Variants in ATP2B3 observed in about 807,000 individuals in gnomAD.
ATP2B3 encodes ATPase plasma membrane Ca2+ transporting 3, also known as plasma membrane calcium-transporting ATPase 3.
In ATP2B3, 12 loss-of-function variants were observed where a neutral mutation model predicts 70.8. The ratio of observed to expected loss-of-function variants is 0.17; its 90% CI spans 0.11 to 0.27. The LOEUF is 0.27. Among genes scored for constraint, ATP2B3 ranks in the 10% least tolerant of loss-of-function variants. The pLI is 1.00. For synonymous variants in ATP2B3, 460 were observed against 497.8 expected (o/e 0.92, Z 1.01); for missense variants, 858 against 1,118.5 (o/e 0.77, Z 3.32).
rs369844415 is a variant in ATP2B3 at position 153,542,079 on chromosome X, G to A, written c.664+153G>A. Among the ~76,000 whole-genome samples the A allele has an allele frequency of 2.3e-4, 17 of 74,695 alleles. 2 individuals carry two copies. In the East Asian group the frequency reaches 7.3e-3, roughly 32 times the overall value. The allele number at this position is 74,695 out of a possible 115,157, so 64.9% of individuals were successfully genotyped here. On this transcript the variant is annotated intron_variant, in intron 5 of 21. Transcript: ENST00000263519. ...GGCGGGAGGTGGCGGGGGTGGGGGA[G>A]GTGGGGGAACACGGGGCAGGGCAGA...
chrX:153,579,880 C>G, intron 21 of ATP2B3, 98 bp from the exon 22 acceptor site: 1 of 798,647 alleles, frequency 1.3e-6, no homozygotes, highest in Non-Finnish European at 1.8e-6. Flanking sequence ...TGTCTCCTTC[C>G]TTCCTTCCTA....
At chrX:153,554,366 G>A (rs781862022) in intron 13 of ATP2B3, among the ~76,000 whole-genome samples, 1 of 113,405 alleles carries the variant, frequency 8.8e-6, no homozygotes, top group Admixed American at 9.2e-5. Context: ...GAGCCATCGA[G>A]TCCCTCTGTT....
At chrX:153,553,913 C>T (rs1406748306) in intron 13 of ATP2B3, among the ~76,000 whole-genome samples, 1 of 113,317 alleles carries the variant, frequency 8.8e-6, no homozygotes, top group Non-Finnish European at 1.9e-5. Context: ...CTCCCCAGGG[C>T]CTCTGCATGG....
intron 15 of ATP2B3, 31 bp from the exon 16 acceptor site, chrX:153,556,886 C>T (rs2090545965): frequency 1.7e-6 from 2 of 1,159,426 alleles, no homozygotes; most frequent in Non-Finnish European, 2.3e-6. Flanking sequence ...CAGATGGCCC[C>T]AGCCCTGCCC....
At chrX:153,567,562 T>C (rs781986074) in intron 21 of ATP2B3, among the ~76,000 whole-genome samples, 1 of 112,942 alleles carries the variant, frequency 8.9e-6, no homozygotes, top group African/African-American at 3.2e-5. Context: ...TGCCCTGACC[T>C]GAAGCATCAG....
At chrX:153,530,267 GC>G (rs1311797854) in intron 2 of ATP2B3, among the ~76,000 whole-genome samples, 3 of 112,421 alleles carry the variant, frequency 2.7e-5, no homozygotes, top group African/African-American at 9.7e-5. Context: ...GTGCTTTATA[GC>G]GTTCTGGTCC....
chrX:153,545,500 G>A (rs142241255), intron 7 of ATP2B3, among the ~76,000 whole-genome samples: 165 of 112,880 alleles, frequency 1.5e-3, no homozygotes, highest in African/African-American at 4.9e-3. Context: ...GCGAAACCCC[G>A]TCTCTATTAA....
intron 13 of ATP2B3, 138 bp from the exon 14 acceptor site, chrX:153,555,911 G>A: frequency 1.5e-6 from 1 of 669,957 alleles, no homozygotes; most frequent in Non-Finnish European, 2.3e-6. Context: ...AGTGTTCTGA[G>A]CACGTGAATC....
Position 153,556,344 on chromosome X carries a change from G to T in ATP2B3, c.2252G>T (p.Arg751Leu). 8.3e-7 allele frequency: 1 copy of T among 1,206,711 alleles called. No individual in the cohort carries two copies. Among genetic ancestry groups the T allele is most frequent in the East Asian group, 3.0e-5 (1 of 33,645 alleles). Residue 751 changes from arginine to leucine, a missense_variant, in exon 15 of 22, where the codon CGG (arginine) becomes CTG (leucine). Physicochemically the swap from Arg to Leu is moderately radical, Grantham distance 102 (BLOSUM62 -2). Transcript: ENST00000263519. The part of the protein sequence containing the change: ...RNEKGEIEQE[R>L]LDKVWPKLRV... The stretch of plus-strand genomic sequence containing the variant: ...TCCCCTCCCCAGATAGAACAGGAGC[G>T]GCTGGACAAGGTGTGGCCCAAGCTG...
At position 153,541,364 on chromosome X, in the gene ATP2B3, G is replaced by A. The variant is rs149114271; in HGVS notation, c.214G>A (p.Ala72Thr). The A allele has an allele frequency of 4.4e-4, 530 of 1,210,608 alleles. No homozygotes were observed. Among genetic ancestry groups the A allele is most frequent in the Middle Eastern group, 2.3e-3 (10 of 4,355 alleles). Residue 72 changes from alanine to threonine, a missense_variant, in exon 4 of 22, where the codon GCG (alanine) becomes ACG (threonine). Ala to Thr is a moderately conservative substitution (Grantham distance 58). This residue lies in a region of ATP2B3 where 278 missense variants were observed against 366.2 expected (regional missense o/e 0.76). Coordinates refer to ENST00000263519, the MANE Select transcript of ATP2B3 (RefSeq NM_001001344.3). ...GCTTCCGGGGCACCATGCAGGCCTG[G>A]CGGACAACACCAATGACCTGGAGAA... is the stretch of plus-strand genomic sequence containing the variant. ...RLKTSPTEGL[A>T]DNTNDLEKRR... is the part of the protein sequence containing the mutation.
intron 16 of ATP2B3, among the ~76,000 whole-genome samples, chrX:153,557,794 G>C (rs2090561289): frequency 9.1e-6 from 1 of 110,078 alleles, no homozygotes; most frequent in African/African-American, 3.3e-5. Context: ...AGACCACGCT[G>C]CTTGGTGGCC....
In ATP2B3 at chrX:153,582,764, AAT is replaced by A; in HGVS notation, c.*2469_*2470del. The A allele has an allele frequency of 8.9e-6, 1 of 112,754 alleles. No homozygotes were observed. Among genetic ancestry groups the A allele is most frequent in the Middle Eastern group, 4.6e-3 (1 of 218 alleles). 9.3% of individuals were successfully genotyped at this position (112,754 alleles called of 1,213,427 possible). A position where few individuals can be genotyped will look rare whatever the true frequency, so the allele number is the denominator to read the frequency against. On this transcript the variant is annotated 3_prime_UTR_variant, in exon 22 of 22. Transcript: ENST00000263519. ...CTTGGTCAACTGTGTTCAGTTCATA[AAT>A]ATGTTTTACATTTTTATCTGCCTGT...
intron 9 of ATP2B3, 130 bp from the exon 10 acceptor site, chrX:153,548,510 C>T (rs782235251): frequency 1.7e-5 from 10 of 596,712 alleles, no homozygotes; most frequent in East Asian, 7.1e-5. Flanking sequence ...TATCCTGAAA[C>T]GCAAGGCAAA....
chrX:153,550,065 C>T lies in ATP2B3; in HGVS notation c.1602C>T (p.Ala534=), dbSNP rs1332373400. ...TKILPPEKEG[A]LPRQVGNKTE... is the part of the protein sequence containing the mutation. ...TGCAGCCTCCTGAGAAGGAAGGCGC[C>T]CTCCCACGCCAGGTGGGCAATAAGA... Residue 534 remains alanine (A), a synonymous_variant, in exon 12 of 22, where the codon GCC becomes GCT. Transcript: ENST00000263519. 1.7e-6 allele frequency: 2 copies of T among 1,210,063 alleles called. No homozygotes were observed. The highest frequency in any genetic ancestry group is 1.1e-6 in the Non-Finnish European group (1 of 894,280).
chrX:153,537,648 G>A (rs910608366), intron 3 of ATP2B3, among the ~76,000 whole-genome samples: 1 of 112,487 alleles, frequency 8.9e-6, no homozygotes, highest in Admixed American at 9.3e-5. Flanking sequence ...CGCCGCACAC[G>A]CCCTCACGGT....
intron 13 of ATP2B3, among the ~76,000 whole-genome samples, chrX:153,555,090 G>A (rs1222571002): frequency 1.8e-5 from 2 of 112,016 alleles, no homozygotes; most frequent in Non-Finnish European, 3.8e-5. Context: ...GATCCTCAGA[G>A]AGTACGAAGT....
intron 3 of ATP2B3, among the ~76,000 whole-genome samples, chrX:153,539,070 G>A (rs943116909): frequency 6.2e-5 from 7 of 112,320 alleles, no homozygotes; most frequent in East Asian, 5.6e-4. Flanking sequence ...CTCTCCCTCC[G>A]CAGAAGCCCC....
In ATP2B3 at chrX:153,559,911, G is replaced by A; in HGVS notation, c.2808G>A (p.Gln936=). 4 of 1,211,575 alleles carry A rather than the reference G, an allele frequency of 3.3e-6. No individual in the cohort carries two copies. Among genetic ancestry groups the A allele is most frequent in the Non-Finnish European group, 4.5e-6 (4 of 895,165 alleles). The change falls in exon 18 of 22, where the codon CAG becomes CAA. Residue 936 remains glutamine (Q), a synonymous_variant. Coordinates refer to ENST00000263519, the MANE Select transcript of ATP2B3 (RefSeq NM_001001344.3). ...ACATTCTGGGCCACGCCGTGTACCA[G>A]CTCGCCATCATCTTCACCCTGCTGT... The part of the protein sequence containing the change: ...MKNILGHAVY[Q]LAIIFTLLFV...
intron 12 of ATP2B3, 130 bp downstream of exon 12, chrX:153,550,416 C>A: frequency 9.9e-7 from 1 of 1,010,377 alleles, no homozygotes; most frequent in Admixed American, 2.8e-5. Context: ...GCATTAAGCA[C>A]GTTCACAATA....
Sources: gnomAD v4.1 joint callset for allele counts (sites outside exome capture counted in the v4.1 genomes callset) on GRCh38, gnomAD v4.1.1 for gene constraint, gnomAD v4.1.1 regional missense constraint, MANE v1.5 for transcripts, NCBI Gene and HGNC (gene_info 2026-07-23, HGNC 2026-07-21) for gene names.